The following BCKDHB variants were observed in gnomAD, a reference collection of about 807,000 sequenced individuals.
The protein encoded by BCKDHB is 2-oxoisovalerate dehydrogenase subunit beta, mitochondrial.
Under a neutral mutation model 48.5 loss-of-function variants are expected in BCKDHB, and 41 were observed. The ratio of observed to expected loss-of-function variants is 0.85; its 90% CI spans 0.66 to 1.10. The LOEUF is 1.10. Ranked by LOEUF, BCKDHB falls within the 50% of genes least tolerant of loss-of-function variation. The pLI, the probability that BCKDHB is intolerant of heterozygous loss-of-function variation, is 0.00. For synonymous variants in BCKDHB, 201 were observed against 174.8 expected, an observed-to-expected ratio of 1.15 and a Z score of -1.18; for missense variants, 496 against 494.2, an observed-to-expected ratio of 1.00 and a Z score of -0.03.
At chr6:80,280,096 G>A (rs1778135774) in intron 9 of BCKDHB, among the ~76,000 whole-genome samples, 1 of 152,202 alleles carries the variant, frequency 6.6e-6, no homozygotes, top group South Asian at 2.1e-4. Flanking sequence ...CGTAAGGTAA[G>A]CGTTGACAAG....
At chr6:80,380,743 A>G in the BCKDHB span, among the ~76,000 whole-genome samples, 1 of 151,758 alleles carries the variant, frequency 6.6e-6, no homozygotes, top group South Asian at 2.1e-4. Context: ...ACAAGAAAAA[A>G]CAAACAACCC....
chr6:80,356,313 T>A, the BCKDHB span: 1 of 152,230 alleles, frequency 6.6e-6, no homozygotes, highest in Non-Finnish European at 1.5e-5. Flanking sequence ...ATCAGATTTA[T>A]TTGATGTTAT....
At chr6:80,179,191 T>C (rs1401895869) in intron 6 of BCKDHB, among the ~76,000 whole-genome samples, 1 of 151,996 alleles carries the variant, frequency 6.6e-6, no homozygotes, top group Admixed American at 6.6e-5. Context: ...CCTTGCTAAT[T>C]TTCGTATTTC....
chr6:80,324,904 T>C (rs2128004683), intron 9 of BCKDHB, among the ~76,000 whole-genome samples: 1 of 152,324 alleles, frequency 6.6e-6, no homozygotes, highest in African/African-American at 2.4e-5. Context: ...GAATGGAATA[T>C]GCTCATTTGT....
chr6:80,106,643 C>T (rs935014031), upstream of BCKDHB: 2 of 1,533,198 alleles, frequency 1.3e-6, no homozygotes, highest in Non-Finnish European at 1.8e-6. Flanking sequence ...TCCGCCCTCC[C>T]CGCAGGCGGC....
intron 1 of BCKDHB, among the ~76,000 whole-genome samples, chr6:80,126,839 TAGA>T (rs1284671111): frequency 6.6e-6 from 1 of 152,132 alleles, no homozygotes; most frequent in African/African-American, 2.4e-5. Flanking sequence ...AAGGTGAAGA[TAGA>T]AGGACATGGA....
intron 9 of BCKDHB, among the ~76,000 whole-genome samples, chr6:80,336,246 T>G (rs577138831): frequency 1.3e-5 from 2 of 152,022 alleles, no homozygotes; most frequent in African/African-American, 4.8e-5. Context: ...ATGTATGATT[T>G]TATTCTGACA....
chr6:80,374,202 G>A, the BCKDHB span: 3 of 728,764 alleles, frequency 4.1e-6, no homozygotes, highest in Non-Finnish European at 7.6e-6. Flanking sequence ...GCACATCTTA[G>A]ATGCTTTATT....
At position 80,303,824 on chromosome 6, in the gene BCKDHB, TA is replaced by T. The variant is rs567644583; in HGVS notation, c.1038+30604del. The stretch of plus-strand genomic sequence containing the variant: ...TCTCCTTTGAAAGAATGGAGACCAC[TA>T]GAGAAGTGGTCTGTTACCTTAAATG... On this transcript the variant is annotated intron_variant, in intron 9 of 9. Coordinates refer to ENST00000320393, the MANE Select transcript of BCKDHB (RefSeq NM_183050.4). Among the ~76,000 whole-genome samples, 153 of 152,130 alleles carry T rather than the reference TA, an allele frequency of 1.0e-3. No individual in the cohort carries two copies. The South Asian group carries it at 0.016, about 16-fold the overall frequency.
chr6:80,450,095 A>G, the BCKDHB span, among the ~76,000 whole-genome samples: 2 of 152,152 alleles, frequency 1.3e-5, no homozygotes, highest in East Asian at 1.9e-4. Flanking sequence ...GTATGAAGAA[A>G]AAATGGCCTC....
the BCKDHB span, chr6:80,374,399 G>A: frequency 5.8e-5 from 46 of 791,346 alleles, no homozygotes; most frequent in Middle Eastern, 7.3e-4. Context: ...GGAATGGTAC[G>A]CACCGTTTCT....
chr6:80,306,412 T>G (rs1342983943), intron 9 of BCKDHB, among the ~76,000 whole-genome samples: 1 of 152,172 alleles, frequency 6.6e-6, no homozygotes, highest in Non-Finnish European at 1.5e-5. Flanking sequence ...ACAATGGGGA[T>G]ATGTAAATAG....
intron 3 of BCKDHB, among the ~76,000 whole-genome samples, chr6:80,150,609 T>G (rs1359774626): frequency 7.0e-6 from 1 of 142,468 alleles, no homozygotes; most frequent in East Asian, 2.1e-4. Flanking sequence ...CAGGCTGGAG[T>G]GCAGTGGTGC....
the BCKDHB span, among the ~76,000 whole-genome samples, chr6:80,394,573 G>C: frequency 6.6e-6 from 1 of 152,048 alleles, no homozygotes; most frequent in Non-Finnish European, 1.5e-5. Flanking sequence ...CATGATCCTA[G>C]GCCACTTAAG....
the BCKDHB span, among the ~76,000 whole-genome samples, chr6:80,403,714 T>C: frequency 6.6e-6 from 1 of 152,026 alleles, no homozygotes; most frequent in African/African-American, 2.4e-5. Flanking sequence ...AGCTGTGGAT[T>C]TCCCATACAT....
chr6:80,200,022 C>CCACTG (rs1020521128), intron 6 of BCKDHB, among the ~76,000 whole-genome samples: 1 of 140,096 alleles, frequency 7.1e-6, no homozygotes, highest in Admixed American at 7.3e-5. Context: ...GCAGATCACA[C>CCACTG]CACTGCACTC....
chr6:80,153,525 A>G (rs1198160787), intron 3 of BCKDHB, among the ~76,000 whole-genome samples: 1 of 152,162 alleles, frequency 6.6e-6, no homozygotes, highest in Non-Finnish European at 1.5e-5. Context: ...AAGACCATGC[A>G]ACGTCCTCAG....
At chr6:80,123,337 A>G (rs1770151754) in intron 1 of BCKDHB, among the ~76,000 whole-genome samples, 1 of 152,246 alleles carries the variant, frequency 6.6e-6, no homozygotes, top group Non-Finnish European at 1.5e-5. Context: ...AAACAGGTGT[A>G]AGAAATTATA....
chr6:80,205,152 A>G (rs1774583992), intron 8 of BCKDHB, among the ~76,000 whole-genome samples: 2 of 151,882 alleles, frequency 1.3e-5, no homozygotes, highest in African/African-American at 4.8e-5. Flanking sequence ...AAATTTTGAT[A>G]CTTAGCTTTT....
Sources: gnomAD v4.1 joint callset for allele counts (sites outside exome capture counted in the v4.1 genomes callset) on GRCh38, gnomAD v4.1.1 for gene constraint, MANE v1.5 for transcripts, NCBI Gene and HGNC (gene_info 2026-07-23, HGNC 2026-07-21) for gene names.